Variants in STN1 observed in about 807,000 individuals in gnomAD.
STN1 encodes STN1 subunit of CST complex.
In STN1, 29 loss-of-function variants were observed where a neutral mutation model predicts 45.5. The observed-to-expected ratio is 0.64, with a 90% CI of 0.47 to 0.87. The LOEUF (loss-of-function observed/expected upper bound fraction) is 0.87. Among genes scored for constraint, STN1 ranks in the 40% least tolerant of loss-of-function variants. The pLI is 0.00. For missense variants in STN1, 376 were observed against 441.4 expected, an observed-to-expected ratio of 0.85 and a Z score of 1.33; for synonymous variants, 148 against 159.0, an observed-to-expected ratio of 0.93 and a Z score of 0.52.
chr10:103,908,823 A>T (rs1157293739), intron 3 of STN1, among the ~76,000 whole-genome samples: 1 of 152,154 alleles, frequency 6.6e-6, no homozygotes, highest in East Asian at 1.9e-4. Context: ...CCAGGATTTT[A>T]AAGTCCTCAA....
At chr10:103,902,690 G>T (rs1843217096) in intron 4 of STN1, among the ~76,000 whole-genome samples, 1 of 152,156 alleles carries the variant, frequency 6.6e-6, no homozygotes, top group South Asian at 2.1e-4. Flanking sequence ...TACTTTAACT[G>T]AGTGGAACAT....
intron 3 of STN1, among the ~76,000 whole-genome samples, chr10:103,910,254 T>C (rs552243262): frequency 6.6e-6 from 1 of 152,300 alleles, no homozygotes; most frequent in Non-Finnish European, 1.5e-5. Context: ...TGCCCGTCCA[T>C]CGATGCTCAT....
intron 7 of STN1, among the ~76,000 whole-genome samples, chr10:103,893,706 C>T (rs1843154786): frequency 6.6e-6 from 1 of 152,152 alleles, no homozygotes; most frequent in Non-Finnish European, 1.5e-5. Context: ...CTCAAGTGTT[C>T]ACAAGTCCGT....
intron 9 of STN1, among the ~76,000 whole-genome samples, chr10:103,885,825 C>T (rs1244602996): frequency 1.3e-5 from 2 of 152,172 alleles, no homozygotes; most frequent in Non-Finnish European, 2.9e-5. Flanking sequence ...GCAGACTTTT[C>T]TGAAAAGTGT....
chr10:103,917,194 A>G (rs1203240155), intron 2 of STN1, among the ~76,000 whole-genome samples: 2 of 151,396 alleles, frequency 1.3e-5, no homozygotes, highest in Non-Finnish European at 2.9e-5. Context: ...AGCATTTTTA[A>G]GCATGAAAGA....
chr10:103,882,466 T>C lies in STN1; in HGVS notation c.*218A>G, dbSNP rs1843075410. 14 of 487,890 alleles carry C rather than the reference T, an allele frequency of 2.9e-5. No individual in the cohort carries two copies. The highest frequency in any genetic ancestry group is 4.3e-5 in the Non-Finnish European group (12 of 278,220). The allele number at this position is 487,890 out of a possible 1,614,324, so 30.2% of individuals were successfully genotyped here. On this transcript the variant is annotated 3_prime_UTR_variant, in exon 10 of 10. Coordinates refer to ENST00000224950, the MANE Select transcript of STN1 (RefSeq NM_024928.5). ...CAGGGAGGGTTTTCTTGTTGTGTCA[T>C]GGCTGAGATCAAAGTCATTGTACAC...
chr10:103,889,022 G>GT, intron 9 of STN1, 50 bp downstream of exon 9: 1 of 1,299,788 alleles, frequency 7.7e-7, no homozygotes, highest in Non-Finnish European at 1.1e-6. Context: ...CCGGGAGACA[G>GT]TATCCCCTTC....
chr10:103,905,429 CTCAAGGGTACCCTCA>C (rs1843234509), intron 3 of STN1, among the ~76,000 whole-genome samples: 2 of 152,198 alleles, frequency 1.3e-5, no homozygotes, highest in South Asian at 4.1e-4. Context: ...GATTAGTACC[CTCAAGGGTACCCTCA>C]TGATGCTGGT....
At chr10:103,902,566 A>AAATC (rs1190785419) in intron 4 of STN1, among the ~76,000 whole-genome samples, 1 of 152,250 alleles carries the variant, frequency 6.6e-6, no homozygotes. Context: ...CATGAAAGAT[A>AAATC]AATCCCCTTT....
intron 7 of STN1, among the ~76,000 whole-genome samples, chr10:103,895,106 C>T (rs1843162827): frequency 6.6e-6 from 1 of 152,242 alleles, no homozygotes; most frequent in South Asian, 2.1e-4. Flanking sequence ...TTTAATCACA[C>T]TGACCTCCCC....
chr10:103,892,136 T>A lies in STN1; in HGVS notation c.870A>T (p.Leu290=). The A allele has an allele frequency of 6.2e-7, 1 of 1,608,656 alleles. No individual in the cohort carries two copies. The highest frequency in any genetic ancestry group is 1.7e-4 in the Middle Eastern group (1 of 6,026). ...TAAGTTGCAAGTGTCTTACATAGTA[T>A]AGGTTATCAAAACCATCATCTTTCT... is the stretch of plus-strand genomic sequence containing the variant. ...VFQKDDGFDN[L]YYVTREDKDL... Residue 290 remains leucine, a synonymous_variant, in exon 8 of 10, where the codon CTA becomes CTT. Coordinates refer to ENST00000224950, the MANE Select transcript of STN1 (RefSeq NM_024928.5).
At chr10:103,887,967 G>A (rs1188677507) in intron 9 of STN1, among the ~76,000 whole-genome samples, 1 of 152,182 alleles carries the variant, frequency 6.6e-6, no homozygotes, top group Admixed American at 6.5e-5. Context: ...ACATTGCACT[G>A]CTCTCAAAAG....
chr10:103,897,852 T>C, intron 6 of STN1, 133 bp from the exon 7 acceptor site: 1 of 735,600 alleles, frequency 1.4e-6, no homozygotes. Flanking sequence ...CAGAGTAATA[T>C]ATACAGGGAA....
chr10:103,885,179 A>G (rs1046860420), intron 9 of STN1, among the ~76,000 whole-genome samples: 7 of 152,192 alleles, frequency 4.6e-5, no homozygotes, highest in Non-Finnish European at 8.8e-5. Flanking sequence ...GTAATCCAAG[A>G]AGATGAATGT....
chr10:103,887,542 A>G (rs3814220), intron 9 of STN1, among the ~76,000 whole-genome samples: 67,588 of 151,942 alleles, frequency 0.44, 15,738 homozygotes, highest in Admixed American at 0.5. Flanking sequence ...GCTATGTTAT[A>G]ACATTATGAA....
chr10:103,892,789 C>T (rs930951258), intron 7 of STN1, among the ~76,000 whole-genome samples: 7 of 152,192 alleles, frequency 4.6e-5, no homozygotes, highest in Admixed American at 3.9e-4. Flanking sequence ...AGACAGCAGT[C>T]CTGGTGAAGC....
intron 7 of STN1, among the ~76,000 whole-genome samples, chr10:103,894,131 T>C (rs992798766): frequency 2.6e-5 from 4 of 152,338 alleles, no homozygotes; most frequent in African/African-American, 7.2e-5. Flanking sequence ...CAGTGCAACA[T>C]AGACTCCTTT....
At position 103,898,923 on chromosome 10, in the gene STN1, C is replaced by T. The variant is rs761420179; in HGVS notation, c.535G>A (p.Asp179Asn). The T allele has an allele frequency of 3.1e-6, 5 of 1,614,044 alleles. No homozygotes were observed. The highest frequency in any genetic ancestry group is 3.4e-6 in the Non-Finnish European group (4 of 1,179,986). The change falls in exon 6 of 10, where the codon GAC (aspartate) becomes AAC (asparagine). Residue 179 changes from aspartate to asparagine, a missense_variant. By Grantham distance (23) the Asp-to-Asn change is conservative. Coordinates refer to ENST00000224950, the MANE Select transcript of STN1 (RefSeq NM_024928.5). ...ELPTIYRKVY[D>N]QPFHSSALEK... Reference sequence around the variant, plus strand: ...AGGGCTGAGCTGTGAAAAGGCTGGTCATAAACTTTCCTGTAGATAGTGGGC... The same window carrying T: ...AGGGCTGAGCTGTGAAAAGGCTGGTTATAAACTTTCCTGTAGATAGTGGGC...
Sources: gnomAD v4.1 joint callset for allele counts (sites outside exome capture counted in the v4.1 genomes callset) on GRCh38, gnomAD v4.1.1 for gene constraint, MANE v1.5 for transcripts, NCBI Gene and HGNC (gene_info 2026-07-23, HGNC 2026-07-21) for gene names.